GARIN1A: variants seen among roughly 807,000 people sequenced by gnomAD.
GARIN1A encodes Golgi-associated RAB2 interactor protein 1A.
chr7:128,705,047 C>T, the GARIN1A span, among the ~76,000 whole-genome samples: 3 of 152,206 alleles, frequency 2.0e-5, no homozygotes, highest in African/African-American at 7.2e-5. Flanking sequence ...TTCACTTAGC[C>T]TTACTCTTGC....
chr7:128,683,014 C>T, the GARIN1A span: 1 of 1,610,206 alleles, frequency 6.2e-7, no homozygotes, highest in Non-Finnish European at 8.5e-7. Context: ...TACAAGATAC[C>T]CTCTCCAGTG....
chr7:128,687,100 T>A, the GARIN1A span: 2 of 152,228 alleles, frequency 1.3e-5, no homozygotes, highest in Non-Finnish European at 2.9e-5. Context: ...CTGAGATACA[T>A]TTGCTTACTT....
At chr7:128,690,277 C>A in the GARIN1A span, among the ~76,000 whole-genome samples, 35 of 152,176 alleles carry the variant, frequency 2.3e-4, no homozygotes, top group Non-Finnish European at 2.8e-4. Flanking sequence ...TGCGGAAGGC[C>A]GCAGGGTCCT....
chr7:128,687,570 A>G, the GARIN1A span: 6 of 152,240 alleles, frequency 3.9e-5, no homozygotes, highest in Non-Finnish European at 7.3e-5. Flanking sequence ...CTGGTGGCTG[A>G]TAATAACAAA....
At chr7:128,708,322 G>A in the GARIN1A span, among the ~76,000 whole-genome samples, 6 of 151,974 alleles carry the variant, frequency 3.9e-5, no homozygotes, top group South Asian at 6.2e-4. Flanking sequence ...TCATTGCACC[G>A]GGCCAATTTC....
chr7:128,673,937 T>C, the GARIN1A span, among the ~76,000 whole-genome samples: 1 of 152,152 alleles, frequency 6.6e-6, no homozygotes, highest in South Asian at 2.1e-4. Flanking sequence ...AGATGGAGTC[T>C]CACTCCGTTG....
the GARIN1A span, among the ~76,000 whole-genome samples, chr7:128,682,457 TC>T: frequency 6.6e-6 from 1 of 152,240 alleles, no homozygotes; most frequent in South Asian, 2.1e-4. Flanking sequence ...CTTTCTCTCC[TC>T]GGGTTGCCCT....
the GARIN1A span, among the ~76,000 whole-genome samples, chr7:128,701,101 C>T: frequency 2.0e-5 from 3 of 151,336 alleles, no homozygotes; most frequent in Admixed American, 1.3e-4. Context: ...TGGTTCTGGA[C>T]GTGGAACCCA....
chr7:128,675,647 G>C, the GARIN1A span: 1 of 1,611,402 alleles, frequency 6.2e-7, no homozygotes, highest in Non-Finnish European at 8.5e-7. Flanking sequence ...GCTCCTTTCT[G>C]ACCCATGTAC....
chr7:128,681,013 C>A, the GARIN1A span, among the ~76,000 whole-genome samples: 1 of 152,260 alleles, frequency 6.6e-6, no homozygotes, highest in African/African-American at 2.4e-5. Context: ...ATATGCTGCA[C>A]AAGTGCAACT....
the GARIN1A span, among the ~76,000 whole-genome samples, chr7:128,689,372 C>T: frequency 1.3e-5 from 2 of 152,074 alleles, no homozygotes; most frequent in Admixed American, 6.5e-5. Flanking sequence ...CTCTGCCCGG[C>T]CGCCCATCGT....
At chr7:128,703,555 C>T in the GARIN1A span, among the ~76,000 whole-genome samples, 35 of 152,214 alleles carry the variant, frequency 2.3e-4, 1 homozygote, top group Admixed American at 1.7e-3. Flanking sequence ...CTTTGGGAGG[C>T]CAAGGCAGAA....
At chr7:128,681,326 T>C in the GARIN1A span, among the ~76,000 whole-genome samples, 1 of 152,174 alleles carries the variant, frequency 6.6e-6, no homozygotes, top group Non-Finnish European at 1.5e-5. Flanking sequence ...GGGTTGTCAC[T>C]CTTCTCTTTC....
the GARIN1A span, among the ~76,000 whole-genome samples, chr7:128,699,557 C>A: frequency 6.6e-6 from 1 of 152,190 alleles, no homozygotes; most frequent in African/African-American, 2.4e-5. Flanking sequence ...AGCTTAAGTG[C>A]ATTGCGATCC....
At chr7:128,706,410 AACAC>A in the GARIN1A span, among the ~76,000 whole-genome samples, 2 of 152,034 alleles carry the variant, frequency 1.3e-5, no homozygotes, top group African/African-American at 4.8e-5. Context: ...GATTTAGAAA[AACAC>A]ACACACGCAC....
At chr7:128,675,470 C>T in the GARIN1A span, among the ~76,000 whole-genome samples, 5 of 152,132 alleles carry the variant, frequency 3.3e-5, no homozygotes, top group East Asian at 9.6e-4. Context: ...AAACAGAGGA[C>T]CCAGAGAAGA....
chr7:128,677,857 A>G, the GARIN1A span: 5 of 1,520,410 alleles, frequency 3.3e-6, no homozygotes, highest in African/African-American at 2.8e-5. Context: ...ATAAGTATAT[A>G]TAAGTATATA....
At chr7:128,673,741 C>T in the GARIN1A span, among the ~76,000 whole-genome samples, 1 of 152,280 alleles carries the variant, frequency 6.6e-6, no homozygotes, top group Non-Finnish European at 1.5e-5. Context: ...CTTTACTGTG[C>T]CCCAGGAGAT....
chr7:128,688,669 A>G, the GARIN1A span, among the ~76,000 whole-genome samples: 2 of 151,938 alleles, frequency 1.3e-5, no homozygotes, highest in Non-Finnish European at 2.9e-5. Flanking sequence ...AGAGCTGTAA[A>G]GAGGCATCTC....
Sources: gnomAD v4.1 joint callset for allele counts (sites outside exome capture counted in the v4.1 genomes callset) on GRCh38, gnomAD v4.1.1 for gene constraint, MANE v1.5 for transcripts, NCBI Gene and HGNC (gene_info 2026-07-23, HGNC 2026-07-21) for gene names.